The following NYAP2 variants were observed in gnomAD, a reference collection of about 807,000 sequenced individuals.
NYAP2 encodes the protein neuronal tyrosine-phosphorylated phosphoinositide-3-kinase adapter 2.
In NYAP2, 23 loss-of-function variants were observed where a neutral mutation model predicts 50.4. The ratio of observed to expected loss-of-function variants is 0.46; its 90% CI spans 0.33 to 0.65. The LOEUF is 0.65. NYAP2 is among the 30% of genes least tolerant of loss of function. The pLI, the probability that NYAP2 is intolerant of heterozygous loss-of-function variation, is 0.02. For missense variants in NYAP2, 885 were observed against 861.0 expected (o/e 1.03, Z -0.35); for synonymous variants, 394 against 365.2 (o/e 1.08, Z -0.90).
At chr2:225,676,482 AAG>A in the NYAP2 span, among the ~76,000 whole-genome samples, 1 of 152,110 alleles carries the variant, frequency 6.6e-6, no homozygotes, top group African/African-American at 2.4e-5. Flanking sequence ...TTACAAAAGA[AAG>A]AGGTTTAATG....
chr2:225,672,167 G>A, the NYAP2 span, among the ~76,000 whole-genome samples: 1 of 152,104 alleles, frequency 6.6e-6, no homozygotes, highest in South Asian at 2.1e-4. Context: ...CTCTAGCTAG[G>A]AAAGCTCTAG....
At chr2:225,509,643 G>T (rs189828799) in intron 3 of NYAP2, among the ~76,000 whole-genome samples, 17 of 152,316 alleles carry the variant, frequency 1.1e-4, no homozygotes, top group Non-Finnish European at 2.5e-4. Flanking sequence ...ATAAGTTGTT[G>T]TTCAATGGGA....
At chr2:225,521,714 A>G (rs372201491) in intron 4 of NYAP2, among the ~76,000 whole-genome samples, 1 of 151,880 alleles carries the variant, frequency 6.6e-6, no homozygotes, top group Non-Finnish European at 1.5e-5. Context: ...ATGTTCATCA[A>G]GGATATTGGT....
At chr2:225,628,509 G>A (rs1693252954) in intron 6 of NYAP2, among the ~76,000 whole-genome samples, 1 of 151,912 alleles carries the variant, frequency 6.6e-6, no homozygotes, top group African/African-American at 2.4e-5. Context: ...TTTTAATAGA[G>A]ACGGGGTTTC....
chr2:225,463,520 G>A (rs1689867868), intron 3 of NYAP2, among the ~76,000 whole-genome samples: 1 of 152,222 alleles, frequency 6.6e-6, no homozygotes, highest in Admixed American at 6.5e-5. Flanking sequence ...CTTCAGGGCA[G>A]GGGAACCTGC....
chr2:225,416,293 C>A (rs1387719037), intron 3 of NYAP2, among the ~76,000 whole-genome samples: 1 of 152,116 alleles, frequency 6.6e-6, no homozygotes, highest in Non-Finnish European at 1.5e-5. Context: ...TTTTATTCCT[C>A]AAACCATAAA....
chr2:225,621,627 A>G (rs967591370), intron 5 of NYAP2, among the ~76,000 whole-genome samples: 1 of 152,114 alleles, frequency 6.6e-6, no homozygotes, highest in Non-Finnish European at 1.5e-5. Flanking sequence ...ATTTTATGTT[A>G]TATGTATTTA....
At position 225,424,564 on chromosome 2, in the gene NYAP2, G is replaced by T. The variant is rs1695259029; in HGVS notation, c.221+15463G>T. ...ACATTTCAATATCTTCACTATAAATGCCATAAATGCACTGGTTTAGCAATG... is the reference window on the plus strand; with the variant it reads ...ACATTTCAATATCTTCACTATAAATTCCATAAATGCACTGGTTTAGCAATG... On this transcript the variant is annotated intron_variant, in intron 3 of 6. Transcript: ENST00000636099. 2.0e-5 allele frequency among the ~76,000 whole-genome samples: 3 copies of T among 151,616 alleles called. No individual in the cohort carries two copies. The South Asian group carries it at 6.2e-4, about 32-fold the overall frequency.
intron 5 of NYAP2, among the ~76,000 whole-genome samples, chr2:225,614,171 G>A (rs1692946242): frequency 6.6e-6 from 1 of 151,976 alleles, no homozygotes; most frequent in African/African-American, 2.4e-5. Context: ...CCCAAGCCAG[G>A]ATGTTTTATA....
chr2:225,648,483 G>A lies in NYAP2; in HGVS notation c.1829-2949G>A, dbSNP rs1390429021. Among the ~76,000 whole-genome samples the A allele has an allele frequency of 2.6e-5, 4 of 152,090 alleles. No homozygotes were observed. In the East Asian group the frequency reaches 7.7e-4, roughly 29 times the overall value. ...ATCTAGGAAACACAGTCTGCATTGT[G>A]TCTAAGTTAGATGTGAGCAGAGAGA... On this transcript the variant is annotated intron_variant, in intron 6 of 6. Coordinates refer to ENST00000636099, the Ensembl canonical transcript of NYAP2.
At chr2:225,547,651 C>T (rs759741318) in intron 4 of NYAP2, among the ~76,000 whole-genome samples, 2 of 152,198 alleles carry the variant, frequency 1.3e-5, no homozygotes, top group South Asian at 2.1e-4. Context: ...GCCAAGTCCA[C>T]GGATTCTTCA....
chr2:225,470,662 G>T (rs371729885), intron 3 of NYAP2, among the ~76,000 whole-genome samples: 1 of 152,180 alleles, frequency 6.6e-6, no homozygotes, highest in Non-Finnish European at 1.5e-5. Flanking sequence ...GTGTTCTAAA[G>T]TGTGAATAGC....
intron 3 of NYAP2, among the ~76,000 whole-genome samples, chr2:225,495,797 A>G (rs1056552348): frequency 6.6e-6 from 1 of 152,252 alleles, no homozygotes; most frequent in Non-Finnish European, 1.5e-5. Context: ...ATTTGAACAA[A>G]GGAATGTTCC....
At chr2:225,414,060 C>G (rs1330568565) in intron 3 of NYAP2, among the ~76,000 whole-genome samples, 4 of 152,236 alleles carry the variant, frequency 2.6e-5, no homozygotes, top group African/African-American at 9.6e-5. Context: ...ACACTGAGCT[C>G]TTAGAAAAAG....
At chr2:225,632,519 T>C (rs1313115207) in intron 6 of NYAP2, among the ~76,000 whole-genome samples, 1 of 152,200 alleles carries the variant, frequency 6.6e-6, no homozygotes, top group Non-Finnish European at 1.5e-5. Flanking sequence ...AATGAAGGAA[T>C]TGCTGAAGTA....
At chr2:225,512,819 TTC>T (rs145877640) in intron 3 of NYAP2, among the ~76,000 whole-genome samples, 1,641 of 71,342 alleles carry the variant, frequency 0.023, 34 homozygotes, top group Non-Finnish European at 0.029. Flanking sequence ...TTTTCTTTCT[TTC>T]TCTCTCTCTC....
At chr2:225,586,059 C>T (rs1169623969) in intron 5 of NYAP2, among the ~76,000 whole-genome samples, 1 of 152,142 alleles carries the variant, frequency 6.6e-6, no homozygotes, top group Non-Finnish European at 1.5e-5. Context: ...TCTCTATTTT[C>T]CAAGCCTCTG....
Position 225,538,605 on chromosome 2 carries a change from C to T in NYAP2, c.523+24933C>T, listed in dbSNP as rs557953355. Reference sequence around the variant, plus strand: ...ACAAAACCACGTTTTCCTCCTAGGCCTCTAGGCTTGTAATGGGAGAGGTTG... The same window carrying T: ...ACAAAACCACGTTTTCCTCCTAGGCTTCTAGGCTTGTAATGGGAGAGGTTG... On this transcript the variant is annotated intron_variant, in intron 4 of 6. Transcript: ENST00000636099. Among the ~76,000 whole-genome samples, 57 of 152,280 alleles carry T rather than the reference C, an allele frequency of 3.7e-4. No homozygotes were observed. In the South Asian group the frequency reaches 0.011, roughly 30 times the overall value.
chr2:225,581,675 G>A (rs1006520154), intron 4 of NYAP2, among the ~76,000 whole-genome samples: 11 of 152,124 alleles, frequency 7.2e-5, no homozygotes, highest in African/African-American at 2.7e-4. Flanking sequence ...CATTCTAAAG[G>A]AAAGGGGTGA....
Sources: allele counts gnomAD v4.1 joint callset (sites outside exome capture counted in the v4.1 genomes callset), GRCh38; gene constraint gnomAD v4.1.1; transcripts MANE v1.5; gene names NCBI Gene and HGNC (gene_info 2026-07-23, HGNC 2026-07-21).